TTC22: variants seen among roughly 807,000 people sequenced by gnomAD.
The protein encoded by TTC22 is tetratricopeptide repeat protein 22.
TTC22 carries 42 observed loss-of-function variants against 48.2 expected under a neutral mutation model. The ratio of observed to expected loss-of-function variants is 0.87; its 90% CI spans 0.68 to 1.13. The LOEUF is 1.13. Ranked by LOEUF, TTC22 falls within the 50% of genes most tolerant of loss-of-function variation. The pLI is 0.00. For missense variants in TTC22, 784 were observed against 807.0 expected (o/e 0.97, Z 0.34); for synonymous variants, 345 against 365.5 (o/e 0.94, Z 0.64).
At chr1:54,794,837 CCT>C (rs1343822473) in intron 1 of TTC22, 3 of 152,460 alleles carry the variant, frequency 2.0e-5, no homozygotes, top group African/African-American at 7.2e-5. Flanking sequence ...CTCCAATGCC[CCT>C]GTTGTTTCCA....
chr1:54,796,212 G>T (rs534370549), intron 1 of TTC22, among the ~76,000 whole-genome samples: 1 of 152,290 alleles, frequency 6.6e-6, no homozygotes, highest in Non-Finnish European at 1.5e-5. Flanking sequence ...GTGTGGACAC[G>T]CATGCGTGCA....
At chr1:54,785,869 C>G (rs924351300) in intron 5 of TTC22, 114 bp downstream of exon 5, 1 of 1,001,474 alleles carries the variant, frequency 1.0e-6, no homozygotes, top group African/African-American at 1.6e-5. Context: ...TCCTAAGCTC[C>G]CTTCCACCAT....
At chr1:54,782,258 G>C (rs1646268525) in intron 6 of TTC22, 67 bp downstream of exon 6, 1 of 1,433,014 alleles carries the variant, frequency 7.0e-7, no homozygotes, top group Admixed American at 2.6e-5. Context: ...CCTAGCCCTT[G>C]GTCTAGCCTG....
intron 1 of TTC22, among the ~76,000 whole-genome samples, chr1:54,792,081 A>T (rs1403921044): frequency 1.3e-5 from 2 of 152,260 alleles, no homozygotes; most frequent in African/African-American, 4.8e-5. Flanking sequence ...CTAAGCAAGC[A>T]ATACCACCAC....
rs199743910 is a variant in TTC22, at chr1:54,787,714, G to A, written c.736C>T (p.Arg246Ter). 2.7e-5 allele frequency: 44 copies of A among 1,610,354 alleles called. No homozygotes were observed. Among genetic ancestry groups the A allele is most frequent in the Middle Eastern group, 1.7e-4 (1 of 6,058 alleles). ...QVLKSEDPRH[R>*]ALAWCYLGML... ...CACCCATCCCCCGGGTCCCCACCTC[G>A]GTGGCGGGGGTCCTCGGACTTCAGC... Residue 246 changes from arginine (R) to a stop codon, truncating the protein, a stop_gained, in exon 3 of 7, where the codon CGA (arginine) becomes TGA (stop). Transcript: ENST00000371276. LOFTEE classifies it high-confidence loss of function.
At chr1:54,786,571 G>T in intron 4 of TTC22, 1 of 242,630 alleles carries the variant, frequency 4.1e-6, no homozygotes, top group Non-Finnish European at 7.9e-6. Flanking sequence ...GCTTCCTGTT[G>T]TAAGTGACTT....
intron 3 of TTC22, 77 bp downstream of exon 3, chr1:54,787,634 C>A (rs1025330808): frequency 1.9e-6 from 2 of 1,052,736 alleles, no homozygotes; most frequent in East Asian, 2.5e-5. Context: ...GGAGGTAATG[C>A]CAGAGGTGGA....
At chr1:54,799,379 C>T (rs1570122617) in intron 1 of TTC22, among the ~76,000 whole-genome samples, 1 of 152,116 alleles carries the variant, frequency 6.6e-6, no homozygotes, top group African/African-American at 2.4e-5. Context: ...AAGGCTTCCC[C>T]CAGTGAACGG....
chr1:54,783,522 A>G (rs534303220), intron 5 of TTC22, among the ~76,000 whole-genome samples: 1 of 152,354 alleles, frequency 6.6e-6, no homozygotes, highest in Admixed American at 6.5e-5. Context: ...CCTCTGTGCC[A>G]GACACTGTTC....
rs1646251567 is a variant in TTC22 at position 54,780,236 on chromosome 1, C to A, written c.*1007G>T. ...GGGTGCAGTGGCTCACACCTGTAAT[C>A]CTAGCACTTTGGGAGGCTGAGGCGG... On this transcript the variant is annotated 3_prime_UTR_variant, in exon 7 of 7. Transcript: ENST00000371276. The A allele has an allele frequency of 6.6e-6, 1 of 152,186 alleles. No individual in the cohort carries two copies. The highest frequency in any genetic ancestry group is 2.1e-4 in the South Asian group (1 of 4,814). The allele number at this position is 152,186 out of a possible 1,614,324, so 9.4% of individuals were successfully genotyped here.
In TTC22 at chr1:54,801,183, C is replaced by T. The variant is rs774330182; in HGVS notation, c.-20G>A. On this transcript the variant is annotated 5_prime_UTR_variant, in exon 1 of 7. Coordinates refer to ENST00000371276, the MANE Select transcript of TTC22 (RefSeq NM_001114108.2). ...CGCCATGACTGCTCCCTCTGCTCCC[C>T]TGGCCTCACCCTTGTCCCTGAGGCT... 1.9e-6 allele frequency: 3 copies of T among 1,607,700 alleles called. No individual in the cohort carries two copies. Among genetic ancestry groups the T allele is most frequent in the South Asian group, 1.1e-5 (1 of 90,828 alleles).
chr1:54,787,403 C>G (rs992259651), intron 3 of TTC22: 1 of 560,256 alleles, frequency 1.8e-6, no homozygotes, highest in Admixed American at 3.3e-5. Flanking sequence ...AAAAATGACT[C>G]GACTCCTCTC....
Position 54,782,346 on chromosome 1 carries a change from C to T in TTC22, c.1152G>A (p.Lys384=), listed in dbSNP as rs753046106. 5.8e-6 allele frequency: 9 copies of T among 1,546,564 alleles called. No homozygotes were observed. Among genetic ancestry groups the T allele is most frequent in the Non-Finnish European group, 7.9e-6 (9 of 1,144,538 alleles). ...TTACCTGGCCGATGTCCAGGTACGC[C>T]TTGAAGCCTGGGCACACCCTGACCA... ...EEVVRVCPGF[K]AYLDIGQVYY... is the part of the protein sequence containing the mutation. Residue 384 remains lysine (K), a synonymous_variant, in exon 6 of 7, where the codon AAG becomes AAA. Transcript: ENST00000371276.
chr1:54,782,009 T>C (rs1312703489), intron 6 of TTC22, among the ~76,000 whole-genome samples: 1 of 152,250 alleles, frequency 6.6e-6, no homozygotes, highest in East Asian at 1.9e-4. Context: ...AGTCAATCTC[T>C]GGATCTCGGT....
intron 4 of TTC22, 54 bp downstream of exon 4, chr1:54,786,902 TG>T: frequency 2.2e-6 from 2 of 926,336 alleles, no homozygotes; most frequent in Non-Finnish European, 3.1e-6. Flanking sequence ...GTGGAGAGGC[TG>T]GGGTGCCAGG....
intron 4 of TTC22, 135 bp from the exon 5 acceptor site, chr1:54,786,279 CTTATCCACCT>C: frequency 1.4e-6 from 1 of 739,324 alleles, no homozygotes; most frequent in Non-Finnish European, 2.2e-6. Context: ...CATATCCACC[CTTATCCACCT>C]GCCAGTAAGT....
chr1:54,788,132 C>G, intron 1 of TTC22, 35 bp from the exon 2 acceptor site: 2 of 1,600,704 alleles, frequency 1.2e-6, no homozygotes, highest in Non-Finnish European at 1.7e-6. Context: ...ACTGCCATTA[C>G]TGAGGTACTC....
intron 1 of TTC22, among the ~76,000 whole-genome samples, chr1:54,792,021 C>T (rs985358568): frequency 3.9e-5 from 6 of 152,020 alleles, no homozygotes; most frequent in African/African-American, 7.2e-5. Flanking sequence ...CACCACTCTG[C>T]GCACTGTTGA....
intron 6 of TTC22, 39 bp from the exon 7 acceptor site, chr1:54,781,818 C>G: frequency 7.3e-7 from 1 of 1,378,946 alleles, no homozygotes; most frequent in Non-Finnish European, 9.3e-7. Context: ...TCACCGCAGG[C>G]GCGGCTCCAC....
Sources: allele counts gnomAD v4.1 joint callset (sites outside exome capture counted in the v4.1 genomes callset), GRCh38; gene constraint gnomAD v4.1.1; transcripts MANE v1.5; gene names NCBI Gene and HGNC (gene_info 2026-07-23, HGNC 2026-07-21).